The following PTPRS variants were observed in gnomAD, a reference collection of about 807,000 sequenced individuals.
The protein encoded by PTPRS is protein tyrosine phosphatase receptor type S.
PTPRS carries 63 observed loss-of-function variants against 215.3 expected under a neutral mutation model. The observed-to-expected ratio is 0.29, with a 90% CI of 0.24 to 0.36. The LOEUF is 0.36. PTPRS is among the 10% of genes least tolerant of loss of function. PTPRS has a pLI of 1.00. For missense variants in PTPRS, 2,258 were observed against 2,825.8 expected, an observed-to-expected ratio of 0.80 and a Z score of 4.56; for synonymous variants, 1,404 against 1,191.4, an observed-to-expected ratio of 1.18 and a Z score of -3.68.
chr19:5,244,983 CTTTTTTTT>C lies in PTPRS; in HGVS notation c.989-509_989-502del, dbSNP rs34897765. On this transcript the variant is annotated intron_variant, in intron 10 of 37. Coordinates refer to ENST00000262963, the MANE Select transcript of PTPRS (RefSeq NM_002850.4). The surrounding 1 kb of genome is among the most constrained non-coding windows in gnomAD (Gnocchi z 7.2). ...GCACCCGGCCTTTTTTTTCTTTTTT[CTTTTTTTT>C]TTTTTTTAGACGGAGCCTTGCTCTG... Among the ~76,000 whole-genome samples, 19 of 108,186 alleles carry C rather than the reference CTTTTTTTT, an allele frequency of 1.8e-4. 3 individuals are homozygous for C. Among genetic ancestry groups the C allele is most frequent in the Admixed American group, 7.3e-4 (7 of 9,608 alleles). The allele number at this position is 108,186 out of a possible 152,430, so 71.0% of individuals were successfully genotyped here.
At position 5,212,257 on chromosome 19, in the gene PTPRS, G is replaced by C; in HGVS notation, c.4770-7C>G. ...TGTGCGGCCCACACCGGCACTGCAG[G>C]GACAGCCACGTGGCGTTCAGGGGCT... On this transcript the variant is annotated splice_region_variant and splice_polypyrimidine_tract_variant and intron_variant, in intron 31 of 37. Transcript: ENST00000262963. 1.2e-6 allele frequency: 2 copies of C among 1,609,246 alleles called. No individual in the cohort carries two copies. The highest frequency in any genetic ancestry group is 2.2e-5 in the South Asian group (2 of 91,002).
chr19:5,229,304 GGC>G lies in PTPRS; in HGVS notation c.2376+10_2376+11del, dbSNP rs1491242052. The stretch of plus-strand genomic sequence containing the variant: ...GCACAGCAGTAGGTGGGTGGCCAGG[GGC>G]GCTACTTACATATTCGGCCGTGTCA... On this transcript the variant is annotated intron_variant, in intron 16 of 37. Coordinates refer to ENST00000262963, the MANE Select transcript of PTPRS (RefSeq NM_002850.4). 2.2e-6 allele frequency: 3 copies of G among 1,379,596 alleles called. No homozygotes were observed. Among genetic ancestry groups the G allele is most frequent in the Non-Finnish European group, 2.8e-6 (3 of 1,061,906 alleles). 85.5% of individuals were successfully genotyped at this position (1,379,596 alleles called of 1,614,324 possible).
At chr19:5,327,328 G>A (rs139440153) in intron 1 of PTPRS, among the ~76,000 whole-genome samples, 4 of 152,282 alleles carry the variant, frequency 2.6e-5, no homozygotes, top group African/African-American at 7.2e-5. Context: ...TACTCCAAGC[G>A]TGTTTAGCAT....
intron 4 of PTPRS, 75 bp from the exon 5 acceptor site, chr19:5,265,271 G>A: frequency 7.2e-7 from 1 of 1,396,916 alleles, no homozygotes; most frequent in Non-Finnish European, 9.8e-7. Flanking sequence ...GGGGCTCAGG[G>A]ACTGCCTGGC....
At chr19:5,300,250 A>AG (rs1337422696) in intron 1 of PTPRS, among the ~76,000 whole-genome samples, 2 of 151,726 alleles carry the variant, frequency 1.3e-5, no homozygotes, top group African/African-American at 4.8e-5. Context: ...CAAAAAAAAA[A>AG]AAAAGAAAAG....
At position 5,220,035 on chromosome 19, in the gene PTPRS, G is replaced by A. The variant is rs376836973; in HGVS notation, c.3669C>T (p.Gly1223=). Reference sequence around the variant, plus strand: ...CGAAGCCGCCATACTGCTTCTGGTCGCCGGGATGGAACGTGGGTGGCAGCA... The same window carrying A: ...CGAAGCCGCCATACTGCTTCTGGTCACCGGGATGGAACGTGGGTGGCAGCA... The part of the protein sequence containing the change: ...FSVLPPTFHP[G]DQKQYGGFDN... The change falls in exon 22 of 38, where the codon GGC becomes GGT. Residue 1223 remains glycine, a synonymous_variant. Coordinates refer to ENST00000262963, the MANE Select transcript of PTPRS (RefSeq NM_002850.4). 3.0e-5 allele frequency: 49 copies of A among 1,613,946 alleles called. 1 individual carries two copies. The highest frequency in any genetic ancestry group is 3.3e-4 in the Middle Eastern group (2 of 6,084).
At chr19:5,300,781 A>AAAAAG (rs1555805022) in intron 1 of PTPRS, among the ~76,000 whole-genome samples, 2 of 151,128 alleles carry the variant, frequency 1.3e-5, no homozygotes, top group Non-Finnish European at 3.0e-5. Context: ...AAAAAAAAAA[A>AAAAAG]AAAAGAAAAG....
chr19:5,223,012 G>A lies in PTPRS; in HGVS notation c.2780C>T (p.Thr927Met), dbSNP rs759129843. The A allele has an allele frequency of 5.2e-5, 80 of 1,542,806 alleles. No homozygotes were observed. The highest frequency in any genetic ancestry group is 5.1e-5 in the Non-Finnish European group (58 of 1,146,624). ...CAGAATCTGCGGGTGGCCACGGGGC[G>A]TGTCCTCCGGGATGCTCAGGACCTC... ...AAEVLSIPEDTPRGHPQILEA... is the reference protein window; with the variant it reads ...AAEVLSIPEDMPRGHPQILEA... Residue 927 changes from threonine to methionine, a missense_variant, in exon 18 of 38, where the codon ACG (threonine) becomes ATG (methionine). Thr to Met is a moderately conservative substitution (Grantham distance 81). Coordinates refer to ENST00000262963, the MANE Select transcript of PTPRS (RefSeq NM_002850.4).
At chr19:5,254,075 C>G (rs984529405) in intron 9 of PTPRS, among the ~76,000 whole-genome samples, 14 of 152,080 alleles carry the variant, frequency 9.2e-5, no homozygotes, top group African/African-American at 3.4e-4. Context: ...GCTGTACTGC[C>G]CAGAAAGTCC....
chr19:5,224,722 C>T (rs556576852), intron 17 of PTPRS, among the ~76,000 whole-genome samples: 1 of 152,046 alleles, frequency 6.6e-6, no homozygotes, highest in South Asian at 2.1e-4. Context: ...GAGGGAAGTG[C>T]CCTGCTGGCT....
chr19:5,266,317 C>A (rs1424424707), intron 4 of PTPRS, among the ~76,000 whole-genome samples: 4 of 151,994 alleles, frequency 2.6e-5, no homozygotes, highest in African/African-American at 9.7e-5. Flanking sequence ...TAGGGTCTCA[C>A]CATGTTGCCC....
intron 4 of PTPRS, among the ~76,000 whole-genome samples, chr19:5,271,224 G>T (rs2046879699): frequency 6.6e-6 from 1 of 152,166 alleles, no homozygotes; most frequent in African/African-American, 2.4e-5. Flanking sequence ...GAGGGCTGCA[G>T]AAGGATTGGT....
Position 5,293,890 on chromosome 19 carries a change from G to A in PTPRS, c.-94-7656C>T, listed in dbSNP as rs1290754531. ...ACAGGGCCAGATTGGAAACAGATGGGGCCGCCGTGCCAGGCCCGCGACACC... is the reference window on the plus strand; with the variant it reads ...ACAGGGCCAGATTGGAAACAGATGGAGCCGCCGTGCCAGGCCCGCGACACC... On this transcript the variant is annotated intron_variant, in intron 1 of 37. Coordinates refer to ENST00000262963, the MANE Select transcript of PTPRS (RefSeq NM_002850.4). The surrounding 1 kb of genome is among the most constrained non-coding windows in gnomAD (Gnocchi z 8.4). Among the ~76,000 whole-genome samples the A allele has an allele frequency of 3.3e-5, 5 of 152,186 alleles. No homozygotes were observed. The highest frequency in any genetic ancestry group is 5.9e-5 in the Non-Finnish European group (4 of 68,036).
intron 1 of PTPRS, among the ~76,000 whole-genome samples, chr19:5,323,763 T>C (rs912053609): frequency 1.3e-5 from 2 of 151,994 alleles, no homozygotes; most frequent in Non-Finnish European, 2.9e-5. Flanking sequence ...GTGAGAGCCA[T>C]AGAGGGCTAT....
intron 9 of PTPRS, among the ~76,000 whole-genome samples, chr19:5,248,241 A>G (rs2044683843): frequency 6.6e-6 from 1 of 152,106 alleles, no homozygotes; most frequent in African/African-American, 2.4e-5. Flanking sequence ...CAAGGACAGA[A>G]AAACGGTATC....
At chr19:5,243,822 G>A (rs1347886807) in intron 11 of PTPRS, 79 bp downstream of exon 11, 6 of 1,263,938 alleles carry the variant, frequency 4.7e-6, no homozygotes, top group African/African-American at 1.5e-5. Flanking sequence ...CCCACAAACC[G>A]CTCTGCGGCT....
Position 5,215,578 on chromosome 19 carries a change from G to A in PTPRS, c.4114C>T (p.Pro1372Ser). ...TCCGCCATGTCTGCGATGGGAATTG[G>A]CGGGTGGCTAAGCATGCCTACAGGG... ...FHFESMLSHP[P>S]IPIADMAEHT... The change falls in exon 27 of 38, where the codon CCA (proline) becomes TCA (serine). Residue 1372 changes from proline to serine, a missense_variant. Physicochemically the swap from Pro to Ser is moderately conservative, Grantham distance 74 (BLOSUM62 -1). This residue lies in a region of PTPRS where 927 missense variants were observed against 1,125.9 expected (regional missense o/e 0.82). Transcript: ENST00000262963. 6.2e-7 allele frequency: 1 copy of A among 1,609,246 alleles called. No individual in the cohort carries two copies. Among genetic ancestry groups the A allele is most frequent in the Non-Finnish European group, 8.5e-7 (1 of 1,177,044 alleles).
At chr19:5,216,813 G>C (rs563193806) in intron 25 of PTPRS, 46 bp from the exon 26 acceptor site, 26 of 1,377,094 alleles carry the variant, frequency 1.9e-5, no homozygotes, top group East Asian at 7.5e-5. Context: ...CAGGGGGTAG[G>C]GGGGGGTCCC....
chr19:5,247,251 C>T (rs913580245), intron 9 of PTPRS, among the ~76,000 whole-genome samples: 2 of 151,500 alleles, frequency 1.3e-5, no homozygotes, highest in African/African-American at 4.8e-5. Flanking sequence ...TGAACTTGAA[C>T]GTTGAGAGAA....
Sources: gnomAD v4.1 joint callset for allele counts (sites outside exome capture counted in the v4.1 genomes callset) on GRCh38, gnomAD v4.1.1 for gene constraint, gnomAD v4.1.1 regional missense constraint, Gnocchi (gnomAD v3.1) non-coding constraint, MANE v1.5 for transcripts, NCBI Gene and HGNC (gene_info 2026-07-23, HGNC 2026-07-21) for gene names.